Variants in STX11 observed in about 807,000 individuals in gnomAD.
STX11 encodes syntaxin 11.
A neutral mutation model predicts 19.9 loss-of-function variants in STX11; 21 were observed. The observed-to-expected ratio is 1.06, with a 90% CI of 0.75 to 1.52. The LOEUF (loss-of-function observed/expected upper bound fraction) is 1.52, where lower values mean the gene tolerates loss of function less well. Ranked by LOEUF, STX11 falls within the 40% of genes most tolerant of loss-of-function variation. The pLI is 0.00. For missense variants in STX11, 438 were observed against 405.9 expected (o/e 1.08, Z -0.68); for synonymous variants, 193 against 174.4 (o/e 1.11, Z -0.84).
Position 144,180,691 on chromosome 6 carries a change from G to A in STX11, c.-5-5932G>A, listed in dbSNP as rs1177316786. ...AGTCTTGGGTATGTCTTTATCAGCA[G>A]TGTGAAAATGGACTAATACAATGTG... On this transcript the variant is annotated intron_variant, in intron 1 of 1. Transcript: ENST00000367568. This position sits in a 1 kb window ranked among gnomAD's most constrained non-coding sequence, Gnocchi z 5.3. Among the ~76,000 whole-genome samples the A allele has an allele frequency of 1.3e-5, 2 of 152,192 alleles. No individual in the cohort carries two copies. The highest frequency in any genetic ancestry group is 1.3e-4 in the Admixed American group (2 of 15,280).
intron 1 of STX11, among the ~76,000 whole-genome samples, chr6:144,150,907 A>G (rs931789253): frequency 6.6e-6 from 1 of 152,108 alleles, no homozygotes; most frequent in African/African-American, 2.4e-5. Context: ...TTTCTCATAT[A>G]AAGCAGAATG....
In STX11 at chr6:144,187,245, G is replaced by A. The variant is rs1391670425; in HGVS notation, c.618G>A (p.Glu206=). ...DVKGARAALN[E]IESRHRELLR... The stretch of plus-strand genomic sequence containing the variant: ...AGGGCGCGCGGGCCGCCCTCAACGA[G>A]ATCGAGAGCCGCCACCGCGAACTGC... Residue 206 remains glutamate (E), a synonymous_variant, in exon 2 of 2, where the codon GAG becomes GAA. Transcript: ENST00000367568. The surrounding 1 kb of genome is among the most constrained non-coding windows in gnomAD (Gnocchi z 5.6). 2 of 1,613,800 alleles carry A rather than the reference G, an allele frequency of 1.2e-6. No homozygotes were observed. Among genetic ancestry groups the A allele is most frequent in the South Asian group, 1.1e-5 (1 of 91,080 alleles).
rs1324879051 is a variant in STX11 at position 144,152,655 on chromosome 6, C to CA, written c.-6+1953dup. On this transcript the variant is annotated intron_variant, in intron 1 of 1. Transcript: ENST00000367568. The surrounding 1 kb of genome is among the most constrained non-coding windows in gnomAD (Gnocchi z 4.9). Reference sequence around the variant, plus strand: ...TTTTGTTTTGTTTTGTTTTTTGAGACAGAGTCTCACTCTGTTGCCCCAGGC... The same window carrying CA: ...TTTTGTTTTGTTTTGTTTTTTGAGACAAGAGTCTCACTCTGTTGCCCCAGGC... Among the ~76,000 whole-genome samples the CA allele has an allele frequency of 6.6e-6, 1 of 152,154 alleles. No individual in the cohort carries two copies. Among genetic ancestry groups the CA allele is most frequent in the African/African-American group, 2.4e-5 (1 of 41,436 alleles).
chr6:144,145,894 A>T (rs373377709), upstream of STX11, among the ~76,000 whole-genome samples: 1 of 152,220 alleles, frequency 6.6e-6, no homozygotes, highest in Non-Finnish European at 1.5e-5. Flanking sequence ...TTACACCACA[A>T]TGTGAACGTA....
chr6:144,148,542 T>C (rs1330689997), upstream of STX11, among the ~76,000 whole-genome samples: 1 of 152,240 alleles, frequency 6.6e-6, no homozygotes, highest in African/African-American at 2.4e-5. Context: ...CCATTTCAGA[T>C]TTCCCTATGA....
At chr6:144,150,732 T>A in intron 1 of STX11, 29 bp downstream of exon 1, 1 of 982,782 alleles carries the variant, frequency 1.0e-6, no homozygotes, top group Non-Finnish European at 1.2e-6. Context: ...GAGCCCCCAT[T>A]TCTCTTCCTG....
At chr6:144,140,667 A>G in the STX11 span, 1 of 848,228 alleles carries the variant, frequency 1.2e-6, no homozygotes. Flanking sequence ...ACTCACAGAA[A>G]CTATAAACCA....
In STX11 at chr6:144,188,725, CTT is replaced by C. The variant is rs11356106; in HGVS notation, c.*1252_*1253del. Among the ~76,000 whole-genome samples, 9 of 117,910 alleles carry C rather than the reference CTT, an allele frequency of 7.6e-5. No homozygotes were observed. The highest frequency in any genetic ancestry group is 1.2e-4 in the Non-Finnish European group (7 of 59,388). 77.4% of individuals were successfully genotyped at this position (117,910 alleles called of 152,430 possible). A position where few individuals can be genotyped will look rare whatever the true frequency, so the allele number is the denominator to read the frequency against. ...ATTATTGTTAAAATTTTTCTTTTTC[CTT>C]TTTTTTTTTTTTTTTTTGAGATGGA... On this transcript the variant is annotated 3_prime_UTR_variant, in exon 2 of 2. Transcript: ENST00000367568.
intron 1 of STX11, among the ~76,000 whole-genome samples, chr6:144,179,921 A>G (rs1801866506): frequency 6.6e-6 from 1 of 152,224 alleles, no homozygotes; most frequent in African/African-American, 2.4e-5. Flanking sequence ...TAAGTCCTGT[A>G]TGGAGTGTAT....
rs772988767 is a variant in STX11, at chr6:144,171,500, A to G, written c.-5-15123A>G. On this transcript the variant is annotated intron_variant, in intron 1 of 1. Transcript: ENST00000367568. ...GAGCTGAATGATAGACTTGTGATAC[A>G]CTTCAAACTATCCACTTCCATTTAA... Among the ~76,000 whole-genome samples the G allele has an allele frequency of 1.2e-3, 190 of 152,184 alleles. 1 individual carries two copies. Among genetic ancestry groups the G allele is most frequent in the Non-Finnish European group, 1.7e-3 (116 of 68,034 alleles).
rs949388722 is a variant in STX11, at chr6:144,152,195, G to A, written c.-6+1492G>A. Among the ~76,000 whole-genome samples, 4 of 152,154 alleles carry A rather than the reference G, an allele frequency of 2.6e-5. No individual in the cohort carries two copies. The highest frequency in any genetic ancestry group is 5.9e-5 in the Non-Finnish European group (4 of 68,030). ...ATCACCCCTAGATAATTGCGGTCAC[G>A]ATTAGTTGATAGTGTGACTTTTAAG... On this transcript the variant is annotated intron_variant, in intron 1 of 1. Transcript: ENST00000367568. This position sits in a 1 kb window ranked among gnomAD's most constrained non-coding sequence, Gnocchi z 4.9.
In STX11 at chr6:144,187,481, G is replaced by C. The variant is rs1321958193; in HGVS notation, c.854G>C (p.Cys285Ser). Reference sequence around the variant, plus strand: ...ACCCTCTGCTGCTTCTGCTGTCCCTGCCTCAAGTAGCAGGCCGGCCCGGGC... The same window carrying C: ...ACCCTCTGCTGCTTCTGCTGTCCCTCCCTCAAGTAGCAGGCCGGCCCGGGC... Reference protein sequence around the residue: ...CRTLCCFCCPCLK With the variant: ...CRTLCCFCCPSLK Residue 285 changes from cysteine to serine, a missense_variant, in exon 2 of 2, where the codon TGC (cysteine) becomes TCC (serine). Transcript: ENST00000367568. The surrounding 1 kb of genome is among the most constrained non-coding windows in gnomAD (Gnocchi z 5.6). The C allele has an allele frequency of 1.9e-6, 3 of 1,612,432 alleles. No individual in the cohort carries two copies. In the South Asian group the frequency reaches 3.3e-5, roughly 18 times the overall value.
upstream of STX11, among the ~76,000 whole-genome samples, chr6:144,149,914 T>C (rs947484747): frequency 1.3e-5 from 2 of 152,078 alleles, no homozygotes; most frequent in African/African-American, 4.8e-5. The surrounding 1 kb of genome is among the most constrained non-coding windows in gnomAD (Gnocchi z 5.1). Context: ...GGAGGGTGGG[T>C]CTTGGCAGTA....
the STX11 span, among the ~76,000 whole-genome samples, chr6:144,144,080 A>G: frequency 1.3e-5 from 2 of 152,230 alleles, no homozygotes; most frequent in African/African-American, 4.8e-5. Flanking sequence ...AGTGCTTACT[A>G]CAGTCATTCA....
intron 1 of STX11, among the ~76,000 whole-genome samples, chr6:144,171,188 C>T (rs6922834): frequency 0.57 from 86,252 of 152,030 alleles, 27,422 homozygotes; most frequent in African/African-American, 0.87. Context: ...ACTTAGCCCC[C>T]CTCCTATACG....
chr6:144,188,825 C>G lies in STX11; in HGVS notation c.*1334C>G, dbSNP rs186332450. On this transcript the variant is annotated 3_prime_UTR_variant, in exon 2 of 2. Coordinates refer to ENST00000367568, the MANE Select transcript of STX11 (RefSeq NM_003764.4). The stretch of plus-strand genomic sequence containing the variant: ...CATTGCAACCTCTGTCTCCCAGGTT[C>G]GAGCGATTCTCCTGACTCAGCCTCC... Among the ~76,000 whole-genome samples the G allele has an allele frequency of 2.1e-5, 3 of 144,264 alleles. No homozygotes were observed. Among genetic ancestry groups the G allele is most frequent in the Non-Finnish European group, 4.5e-5 (3 of 67,284 alleles). The allele number at this position is 144,264 out of a possible 152,430, so 94.6% of individuals were successfully genotyped here.
Position 144,181,647 on chromosome 6 carries a change from T to G in STX11, c.-5-4976T>G, listed in dbSNP as rs1041950827. ...ACATGGTAGGTATCTATGGAATGGG[T>G]CACAAATTTGAGTATGCATTATAAT... On this transcript the variant is annotated intron_variant, in intron 1 of 1. Coordinates refer to ENST00000367568, the MANE Select transcript of STX11 (RefSeq NM_003764.4). Among the ~76,000 whole-genome samples, 4 of 136,294 alleles carry G rather than the reference T, an allele frequency of 2.9e-5. No homozygotes were observed. The East Asian group carries it at 8.8e-4, about 30-fold the overall frequency. The allele number at this position is 136,294 out of a possible 152,430, so 89.4% of individuals were successfully genotyped here.
upstream of STX11, among the ~76,000 whole-genome samples, chr6:144,146,097 T>C (rs374544476): frequency 2.0e-5 from 3 of 152,336 alleles, no homozygotes; most frequent in East Asian, 3.9e-4. The surrounding 1 kb of genome is among the most constrained non-coding windows in gnomAD (Gnocchi z 4.4). Context: ...ACTATTTGAC[T>C]GAGGGCCATG....
chr6:144,179,116 C>G (rs1584049518), intron 1 of STX11, among the ~76,000 whole-genome samples: 1 of 152,248 alleles, frequency 6.6e-6, no homozygotes, highest in East Asian at 1.9e-4. Flanking sequence ...CAAGTCACAT[C>G]TTATGTGGAT....
Sources: gnomAD v4.1 joint callset for allele counts (sites outside exome capture counted in the v4.1 genomes callset) on GRCh38, gnomAD v4.1.1 for gene constraint, Gnocchi (gnomAD v3.1) non-coding constraint, MANE v1.5 for transcripts, NCBI Gene and HGNC (gene_info 2026-07-23, HGNC 2026-07-21) for gene names.